The following DNAH6 variants were observed in gnomAD, a reference collection of about 807,000 sequenced individuals.
DNAH6 encodes axonemal beta dynein heavy chain 6.
A neutral mutation model predicts 491.4 loss-of-function variants in DNAH6; 340 were observed. The observed-to-expected ratio is 0.69, with a 90% CI of 0.63 to 0.76. The LOEUF (loss-of-function observed/expected upper bound fraction) is 0.76, where lower values mean the gene tolerates loss of function less well. DNAH6 is among the 30% of genes least tolerant of loss of function. DNAH6 has a pLI of 0.00. For synonymous variants in DNAH6, 1,603 were observed against 1,686.1 expected, an observed-to-expected ratio of 0.95 and a Z score of 1.21; for missense variants, 4,443 against 4,972.2, an observed-to-expected ratio of 0.89 and a Z score of 3.20.
chr2:84,801,916 G>C (rs921125216), intron 70 of DNAH6, among the ~76,000 whole-genome samples: 27 of 151,494 alleles, frequency 1.8e-4, no homozygotes, highest in African/African-American at 6.1e-4. Context: ...GAAAGAAAGG[G>C]AAGGGAAGGG....
chr2:84,551,892 A>C (rs1306913865), intron 9 of DNAH6, among the ~76,000 whole-genome samples: 1 of 152,180 alleles, frequency 6.6e-6, no homozygotes, highest in Admixed American at 6.5e-5. Flanking sequence ...TACCAAAAAT[A>C]CAAAAATTAG....
intron 63 of DNAH6, among the ~76,000 whole-genome samples, chr2:84,757,611 T>G (rs1384181937): frequency 6.6e-6 from 1 of 152,196 alleles, no homozygotes; most frequent in Admixed American, 6.5e-5. Flanking sequence ...ATCAAAGAAG[T>G]GACTAACTAA....
chr2:84,658,778 A>G (rs1157897409), intron 36 of DNAH6, among the ~76,000 whole-genome samples: 1 of 152,074 alleles, frequency 6.6e-6, no homozygotes, highest in African/African-American at 2.4e-5. Flanking sequence ...TAATCAGTTG[A>G]AAGACAAACT....
chr2:84,732,862 T>G (rs1256164559), intron 61 of DNAH6, among the ~76,000 whole-genome samples: 1 of 152,238 alleles, frequency 6.6e-6, no homozygotes, highest in Non-Finnish European at 1.5e-5. Flanking sequence ...AGTTTCAGTC[T>G]TACAATCACA....
At chr2:84,786,101 A>AGAATGAAT (rs3062234) in intron 67 of DNAH6, among the ~76,000 whole-genome samples, 6,954 of 150,312 alleles carry the variant, frequency 0.046, 192 homozygotes, top group Admixed American at 0.061. Flanking sequence ...AGAGAAAGAA[A>AGAATGAAT]GAATGAATGA....
intron 37 of DNAH6, among the ~76,000 whole-genome samples, chr2:84,660,545 C>T (rs963613443): frequency 1.3e-5 from 2 of 152,034 alleles, no homozygotes; most frequent in Non-Finnish European, 1.5e-5. Context: ...AGGCAGGAAT[C>T]ATCAATGAAT....
chr2:84,505,925 G>A, the DNAH6 span, among the ~76,000 whole-genome samples: 21 of 152,252 alleles, frequency 1.4e-4, no homozygotes, highest in Non-Finnish European at 2.4e-4. Context: ...TCCATGGTGT[G>A]TATGTGCCAC....
chr2:84,658,175 G>T, intron 35 of DNAH6, 117 bp from the exon 36 acceptor site: 1 of 620,124 alleles, frequency 1.6e-6, no homozygotes, highest in Non-Finnish European at 2.5e-6. Flanking sequence ...GATAGTTATA[G>T]CCTTTGGTCT....
chr2:84,760,307 A>T (rs1674449048), intron 63 of DNAH6, among the ~76,000 whole-genome samples: 1 of 140,326 alleles, frequency 7.1e-6, no homozygotes, highest in African/African-American at 2.9e-5. Flanking sequence ...AAAATAGGCA[A>T]ATGGGACTTA....
intron 15 of DNAH6, among the ~76,000 whole-genome samples, chr2:84,587,464 T>G (rs1400012436): frequency 5.9e-5 from 9 of 152,194 alleles, no homozygotes; most frequent in Non-Finnish European, 1.3e-4. Flanking sequence ...TTACACAAAA[T>G]GAAAGCATGG....
chr2:84,641,907 T>A, intron 32 of DNAH6, 40 bp from the exon 33 acceptor site: 1 of 1,485,506 alleles, frequency 6.7e-7, no homozygotes, highest in Non-Finnish European at 9.2e-7. Flanking sequence ...TTCAACCTTA[T>A]GTTCTTGTGA....
chr2:84,796,788 G>A (rs1178736314), intron 69 of DNAH6, among the ~76,000 whole-genome samples: 1 of 152,052 alleles, frequency 6.6e-6, no homozygotes, highest in Non-Finnish European at 1.5e-5. Flanking sequence ...CTTGAGCTCA[G>A]GAGTTCAAAT....
intron 62 of DNAH6, 91 bp downstream of exon 62, chr2:84,733,670 C>A: frequency 1.7e-6 from 2 of 1,191,042 alleles, no homozygotes; most frequent in South Asian, 2.0e-5. Context: ...TCTGTAATGT[C>A]AGCATTTTTC....
At chr2:84,667,690 C>CT (rs781089121) in intron 37 of DNAH6, among the ~76,000 whole-genome samples, 1 of 152,154 alleles carries the variant, frequency 6.6e-6, no homozygotes, top group Non-Finnish European at 1.5e-5. Flanking sequence ...GGCGATTCCT[C>CT]AAGGATCTAG....
At chr2:84,519,345 ATAT>A (rs1374548019) in intron 2 of DNAH6, among the ~76,000 whole-genome samples, 1 of 152,102 alleles carries the variant, frequency 6.6e-6, no homozygotes, top group East Asian at 1.9e-4. Context: ...GCAGTATGTT[ATAT>A]ACTAACATAA....
chr2:84,671,994 A>G (rs1692782792), intron 39 of DNAH6, among the ~76,000 whole-genome samples: 1 of 152,228 alleles, frequency 6.6e-6, no homozygotes, highest in Admixed American at 6.5e-5. Context: ...TTCCTCATTC[A>G]TGCCTAAGCC....
At chr2:84,751,505 A>G (rs542992481) in intron 63 of DNAH6, among the ~76,000 whole-genome samples, 1 of 152,352 alleles carries the variant, frequency 6.6e-6, no homozygotes, top group South Asian at 2.1e-4. Flanking sequence ...TTTCATTTCA[A>G]AAACTCTTAG....
At chr2:84,540,167 A>T (rs1423716300) in intron 4 of DNAH6, among the ~76,000 whole-genome samples, 1 of 152,172 alleles carries the variant, frequency 6.6e-6, no homozygotes, top group Non-Finnish European at 1.5e-5. Context: ...AATTTGAAAG[A>T]AGCAGGAGGT....
Position 84,653,357 on chromosome 2 carries a change from C to G in DNAH6, c.5117C>G (p.Pro1706Arg), listed in dbSNP as rs553105587. ...ISDLFPGVQI[P>R]EHDYGILQST... The stretch of plus-strand genomic sequence containing the variant: ...GACCTTTTTCCTGGAGTCCAAATTC[C>G]AGAACATGATTATGGTATTTTACAA... Residue 1706 changes from proline (P) to arginine (R), a missense_variant, in exon 34 of 77, where the codon CCA becomes CGA. Coordinates refer to ENST00000389394, the MANE Select transcript of DNAH6 (RefSeq NM_001370.2). 152 of 1,542,856 alleles carry G rather than the reference C, an allele frequency of 9.9e-5. No homozygotes were observed. In the South Asian group the frequency reaches 1.8e-3, roughly 18 times the overall value.
Sources: gnomAD v4.1 joint callset for allele counts (sites outside exome capture counted in the v4.1 genomes callset) on GRCh38, gnomAD v4.1.1 for gene constraint, MANE v1.5 for transcripts, NCBI Gene and HGNC (gene_info 2026-07-23, HGNC 2026-07-21) for gene names.